The following OTULIN variants were observed in gnomAD, a reference collection of about 807,000 sequenced individuals.
OTULIN encodes the protein ubiquitin thioesterase otulin.
In OTULIN, 15 loss-of-function variants were observed where a neutral mutation model predicts 39.6. The ratio of observed to expected loss-of-function variants is 0.38; its 90% CI spans 0.25 to 0.58. The LOEUF is 0.58. Among genes scored for constraint, OTULIN ranks in the 20% least tolerant of loss-of-function variants. The probability of loss-of-function intolerance (pLI) is 0.66; values close to 1 mark genes in which losing one functional copy is unlikely to be tolerated. For synonymous variants in OTULIN, 156 were observed against 170.3 expected (o/e 0.92, Z 0.65); for missense variants, 319 against 445.9 (o/e 0.72, Z 2.56).
At chr5:14,669,152 GT>G (rs1735921938) in intron 1 of OTULIN, among the ~76,000 whole-genome samples, 2 of 151,256 alleles carry the variant, frequency 1.3e-5, no homozygotes, top group Non-Finnish European at 2.9e-5. Context: ...TCACCTCAGA[GT>G]CAGGAGTTCA....
At chr5:14,691,816 C>A (rs1357273090) in intron 6 of OTULIN, among the ~76,000 whole-genome samples, 1 of 152,168 alleles carries the variant, frequency 6.6e-6, no homozygotes, top group East Asian at 1.9e-4. Context: ...CTGTGCTGGA[C>A]ATTTCATATG....
chr5:14,708,553 C>G, the OTULIN span: 1 of 152,230 alleles, frequency 6.6e-6, no homozygotes, highest in South Asian at 2.1e-4. Flanking sequence ...GGTTTGATCT[C>G]TCATGTCTAG....
chr5:14,707,588 G>C, the OTULIN span: 1 of 152,236 alleles, frequency 6.6e-6, no homozygotes, highest in African/African-American at 2.4e-5. Context: ...GGCGTCTGGA[G>C]AACTCAGCCC....
chr5:14,689,806 C>T (rs961463198), intron 5 of OTULIN, among the ~76,000 whole-genome samples: 3 of 152,142 alleles, frequency 2.0e-5, no homozygotes, highest in Non-Finnish European at 4.4e-5. Context: ...TCCACAGCCT[C>T]GGTGCTTCTT....
Position 14,696,933 on chromosome 5 carries a change from T to G in OTULIN, c.*3885T>G, listed in dbSNP as rs1736685102. On this transcript the variant is annotated 3_prime_UTR_variant, in exon 7 of 7. Transcript: ENST00000284274. ...ATGTTTTTGTAATTCAGTTTATAAC[T>G]TGGAACCAATGAAAAGCAACAAAAC... 6.6e-6 allele frequency: 1 copy of G among 152,200 alleles called. No homozygotes were observed. The highest frequency in any genetic ancestry group is 1.5e-5 in the Non-Finnish European group (1 of 68,044). The allele number at this position is 152,200 out of a possible 1,614,324, so 9.4% of individuals were successfully genotyped here.
In OTULIN at chr5:14,693,701, G is replaced by A. The variant is rs147059703; in HGVS notation, c.*653G>A. ...AAGGCTATTTTAAGCAGATTGTTTT[G>A]CAACAGATTAAGAATTGGGTCCCAA... is the stretch of plus-strand genomic sequence containing the variant. On this transcript the variant is annotated 3_prime_UTR_variant, in exon 7 of 7. Coordinates refer to ENST00000284274, the MANE Select transcript of OTULIN (RefSeq NM_138348.6). 6.6e-6 allele frequency: 1 copy of A among 152,312 alleles called. No homozygotes were observed. Among genetic ancestry groups the A allele is most frequent in the East Asian group, 1.9e-4 (1 of 5,188 alleles). 9.4% of individuals were successfully genotyped at this position (152,312 alleles called of 1,614,324 possible).
At chr5:14,703,198 G>C (rs896223177), downstream of OTULIN, among the ~76,000 whole-genome samples, 3 of 151,974 alleles carry the variant, frequency 2.0e-5, no homozygotes, top group Non-Finnish European at 4.4e-5. Flanking sequence ...TATTGAACTG[G>C]GCAGTCAGCA....
chr5:14,682,248 A>G (rs953246628), intron 4 of OTULIN, among the ~76,000 whole-genome samples: 1 of 152,248 alleles, frequency 6.6e-6, no homozygotes, highest in Non-Finnish European at 1.5e-5. Flanking sequence ...TTTGGTCAGG[A>G]ATGATTGGTC....
At chr5:14,672,095 A>G in intron 1 of OTULIN, among the ~76,000 whole-genome samples, 1 of 152,098 alleles carries the variant, frequency 6.6e-6, no homozygotes, top group Non-Finnish European at 1.5e-5. Context: ...GGGCTTACCC[A>G]CATGGCGTGT....
chr5:14,673,114 CAGG>C (rs1179855281), intron 1 of OTULIN, among the ~76,000 whole-genome samples: 1 of 152,096 alleles, frequency 6.6e-6, no homozygotes, highest in Non-Finnish European at 1.5e-5. Flanking sequence ...GGTCAGGAAG[CAGG>C]AGGATTTCGA....
In OTULIN at chr5:14,695,054, A is replaced by G. The variant is rs1378287048; in HGVS notation, c.*2006A>G. 1 of 152,202 alleles carries G rather than the reference A, an allele frequency of 6.6e-6. No homozygotes were observed. The highest frequency in any genetic ancestry group is 1.5e-5 in the Non-Finnish European group (1 of 68,030). 9.4% of individuals were successfully genotyped at this position (152,202 alleles called of 1,614,324 possible). A position where few individuals can be genotyped will look rare whatever the true frequency, so the allele number is the denominator to read the frequency against. ...ATACTCATGTTAATAATAGTCATCT[A>G]TCCTTGCATTTTGAAACTGTTCTAA... On this transcript the variant is annotated 3_prime_UTR_variant, in exon 7 of 7. Coordinates refer to ENST00000284274, the MANE Select transcript of OTULIN (RefSeq NM_138348.6).
At position 14,693,041 on chromosome 5, in the gene OTULIN, G is replaced by A. The variant is rs201549255; in HGVS notation, c.1052G>A (p.Ser351Asn). 654 of 1,609,192 alleles carry A rather than the reference G, an allele frequency of 4.1e-4. 1 individual carries two copies. Among genetic ancestry groups the A allele is most frequent in the Non-Finnish European group, 5.0e-4 (589 of 1,176,774 alleles). Residue 351 changes from serine to asparagine, a missense_variant, in exon 7 of 7, where the codon AGT (serine) becomes AAT (asparagine). Physicochemically the swap from Ser to Asn is conservative, Grantham distance 46. This residue lies in a region of OTULIN where 106 missense variants were observed against 192.8 expected (regional missense o/e 0.55). Coordinates refer to ENST00000284274, the MANE Select transcript of OTULIN (RefSeq NM_138348.6). ...CCCGTCAGAGTGTGTGAGGAGACCA[G>A]TCTATGAGAGACGCATGCTCCTGAC... ...NIPVRVCEETSL is the reference protein window; with the variant it reads ...NIPVRVCEETNL
intron 5 of OTULIN, 106 bp from the exon 6 acceptor site, chr5:14,689,933 T>A (rs1013990721): frequency 8.6e-6 from 10 of 1,164,494 alleles, no homozygotes; most frequent in Non-Finnish European, 1.1e-5. Flanking sequence ...CATTGGTAAG[T>A]GACCCATGGT....
chr5:14,678,408 C>A (rs1736159538), intron 2 of OTULIN, among the ~76,000 whole-genome samples: 1 of 152,184 alleles, frequency 6.6e-6, no homozygotes, highest in Non-Finnish European at 1.5e-5. Context: ...TTGATACCAT[C>A]TGATTCACGT....
intron 2 of OTULIN, among the ~76,000 whole-genome samples, chr5:14,676,085 C>T (rs1042050974): frequency 1.3e-5 from 2 of 151,504 alleles, no homozygotes; most frequent in Non-Finnish European, 2.9e-5. Context: ...TCCTATTCCA[C>T]CCTGTTTGAG....
intron 3 of OTULIN, among the ~76,000 whole-genome samples, chr5:14,679,530 G>A (rs890423972): frequency 3.3e-5 from 5 of 152,022 alleles, no homozygotes; most frequent in African/African-American, 1.2e-4. Flanking sequence ...TTTTTCTCTT[G>A]GGATTATTTA....
chr5:14,714,324 G>A, the OTULIN span, among the ~76,000 whole-genome samples: 1 of 152,248 alleles, frequency 6.6e-6, no homozygotes, highest in Admixed American at 6.5e-5. Flanking sequence ...GGAGGGCCAT[G>A]GGTGGACAGC....
chr5:14,702,993 T>A (rs2126365740), downstream of OTULIN, among the ~76,000 whole-genome samples: 1 of 152,294 alleles, frequency 6.6e-6, no homozygotes, highest in South Asian at 2.1e-4. Context: ...TCCGCCTTTG[T>A]GAACTGTCAT....
chr5:14,678,796 T>C (rs758583395), intron 3 of OTULIN, 21 bp downstream of exon 3: 2 of 1,498,626 alleles, frequency 1.3e-6, no homozygotes, highest in East Asian at 4.6e-5. Flanking sequence ...GAGGTGCACA[T>C]ATTTCAGGTC....
Sources: gnomAD v4.1 joint callset for allele counts (sites outside exome capture counted in the v4.1 genomes callset) on GRCh38, gnomAD v4.1.1 for gene constraint, gnomAD v4.1.1 regional missense constraint, MANE v1.5 for transcripts, NCBI Gene and HGNC (gene_info 2026-07-23, HGNC 2026-07-21) for gene names.